The following STK32B variants were observed in gnomAD, a reference collection of about 807,000 sequenced individuals.
STK32B encodes serine/threonine-protein kinase 32B.
A neutral mutation model predicts 52.6 loss-of-function variants in STK32B; 43 were observed. The ratio of observed to expected loss-of-function variants is 0.82; its 90% CI spans 0.64 to 1.05. The LOEUF (loss-of-function observed/expected upper bound fraction) is 1.05, where lower values mean the gene tolerates loss of function less well. Ranked by LOEUF, STK32B falls within the 50% of genes least tolerant of loss-of-function variation. STK32B has a pLI of 0.00. For missense variants in STK32B, 621 were observed against 534.6 expected (o/e 1.16, Z -1.59); for synonymous variants, 238 against 204.3 (o/e 1.17, Z -1.41).
At chr4:5,180,605 T>G (rs1720278872) in intron 3 of STK32B, among the ~76,000 whole-genome samples, 1 of 152,098 alleles carries the variant, frequency 6.6e-6, no homozygotes. Flanking sequence ...GTGGCCTCTC[T>G]CTCCCCAACC....
intron 3 of STK32B, among the ~76,000 whole-genome samples, chr4:5,293,383 TTAAC>T (rs1178149205): frequency 6.6e-6 from 1 of 152,152 alleles, no homozygotes; most frequent in African/African-American, 2.4e-5. Flanking sequence ...CCACAATGGT[TTAAC>T]TAATTTTCAC....
chr4:5,402,675 C>G (rs998433655), intron 5 of STK32B, among the ~76,000 whole-genome samples: 5 of 152,224 alleles, frequency 3.3e-5, no homozygotes, highest in African/African-American at 9.6e-5. Context: ...ATTCCTCTTA[C>G]AGGACAGAGT....
rs3077842 is a variant in STK32B, at chr4:5,163,538, C to CTGTGTGTGTGTGTG, written c.109-4731_109-4718dup. Among the ~76,000 whole-genome samples the CTGTGTGTGTGTGTG allele has an allele frequency of 2.4e-3, 341 of 139,430 alleles. 5 individuals are homozygous for CTGTGTGTGTGTGTG. Among genetic ancestry groups the CTGTGTGTGTGTGTG allele is most frequent in the Non-Finnish European group, 4.1e-3 (262 of 63,636 alleles). 91.5% of individuals were successfully genotyped at this position (139,430 alleles called of 152,430 possible). A position where few individuals can be genotyped will look rare whatever the true frequency, so the allele number is the denominator to read the frequency against. On this transcript the variant is annotated intron_variant, in intron 2 of 11. Coordinates refer to ENST00000282908, the MANE Select transcript of STK32B (RefSeq NM_018401.3). Reference sequence around the variant, plus strand: ...TAAAGAGTTTGAGATAGAGTGAAGGCTGTGTGTGTGTGTGTGTGTGTGTGT... The same window carrying CTGTGTGTGTGTGTG: ...TAAAGAGTTTGAGATAGAGTGAAGGCTGTGTGTGTGTGTGTGTGTGTGTGTGTGTGTGTGTGTGT...
chr4:5,159,578 T>TATATATGAATATATATGAATATATATGA lies in STK32B; in HGVS notation c.109-8715_109-8714insGAATATATATGAATATATATGAATATAT, dbSNP rs1553840363. Among the ~76,000 whole-genome samples, 4 of 22,282 alleles carry TATATATGAATATATATGAATATATATGA rather than the reference T, an allele frequency of 1.8e-4. 2 individuals are homozygous for TATATATGAATATATATGAATATATATGA. Among genetic ancestry groups the TATATATGAATATATATGAATATATATGA allele is most frequent in the African/African-American group, 1.7e-3 (4 of 2,286 alleles). The allele number at this position is 22,282 out of a possible 152,430, so 14.6% of individuals were successfully genotyped here. A position where few individuals can be genotyped will look rare whatever the true frequency, so the allele number is the denominator to read the frequency against. ...ATATATATGAATGAATATATATGAA[T>TATATATGAATATATATGAATATATATGA]ATATATATGAATATATATGAATATA... is the stretch of plus-strand genomic sequence containing the variant. On this transcript the variant is annotated intron_variant, in intron 2 of 11. Transcript: ENST00000282908.
intron 3 of STK32B, among the ~76,000 whole-genome samples, chr4:5,255,497 T>C (rs988449373): frequency 2.6e-5 from 4 of 152,122 alleles, no homozygotes; most frequent in African/African-American, 9.7e-5. Flanking sequence ...ACACATTTCT[T>C]ACATACATAT....
intron 7 of STK32B, among the ~76,000 whole-genome samples, chr4:5,451,282 C>T (rs1715970651): frequency 6.6e-6 from 1 of 152,076 alleles, no homozygotes; most frequent in African/African-American, 2.4e-5. Flanking sequence ...ATATGAATGG[C>T]TGGAAGGAAT....
At chr4:5,359,248 T>A (rs1300858390) in intron 4 of STK32B, among the ~76,000 whole-genome samples, 10 of 152,144 alleles carry the variant, frequency 6.6e-5, no homozygotes, top group Admixed American at 2.6e-4. Flanking sequence ...AACTTGCTGT[T>A]CTATTCCTCA....
upstream of STK32B, among the ~76,000 whole-genome samples, chr4:5,048,981 A>C (rs193213728): frequency 5.3e-5 from 8 of 152,344 alleles, no homozygotes; most frequent in African/African-American, 1.7e-4. Flanking sequence ...AGAGCTGGAC[A>C]TGCAGAGTTC....
intron 4 of STK32B, among the ~76,000 whole-genome samples, chr4:5,359,445 G>A (rs1330141521): frequency 2.1e-5 from 3 of 140,356 alleles, no homozygotes; most frequent in Non-Finnish European, 3.1e-5. Context: ...GATGTACCAA[G>A]CACCTACATC....
intron 6 of STK32B, among the ~76,000 whole-genome samples, chr4:5,423,915 G>A (rs1256061918): frequency 6.6e-6 from 1 of 152,154 alleles, no homozygotes; most frequent in Admixed American, 6.5e-5. Context: ...GTGAGTTGGA[G>A]AGGCGGGATT....
chr4:5,321,006 A>G (rs1731450511), intron 3 of STK32B, among the ~76,000 whole-genome samples: 2 of 152,192 alleles, frequency 1.3e-5, no homozygotes, highest in African/African-American at 4.8e-5. Flanking sequence ...TAGACTCAGA[A>G]GAGTATGCAC....
upstream of STK32B, among the ~76,000 whole-genome samples, chr4:5,047,068 G>A (rs1349530278): frequency 1.3e-5 from 2 of 152,176 alleles, no homozygotes; most frequent in African/African-American, 2.4e-5. Context: ...GTTTACAATA[G>A]CAAAATTGTG....
chr4:5,092,534 CAA>C (rs527339612), intron 1 of STK32B, among the ~76,000 whole-genome samples: 39 of 86,838 alleles, frequency 4.5e-4, no homozygotes, highest in Admixed American at 4.9e-4. Context: ...GACTCCGTCT[CAA>C]AAAAAAAAAA....
In STK32B at chr4:5,469,879, C is replaced by A. The variant is rs145881657; in HGVS notation, c.1106+1809C>A. Among the ~76,000 whole-genome samples the A allele has an allele frequency of 2.0e-5, 3 of 152,188 alleles. No homozygotes were observed. The highest frequency in any genetic ancestry group is 4.4e-5 in the Non-Finnish European group (3 of 68,034). On this transcript the variant is annotated intron_variant, in intron 11 of 11. Coordinates refer to ENST00000282908, the MANE Select transcript of STK32B (RefSeq NM_018401.3). The surrounding 1 kb of genome is among the most constrained non-coding windows in gnomAD (Gnocchi z 4.7). ...CTGTGGTCCTGCCTGCTCTGAGGCT[C>A]ATGGCCCTTCCCCCAGACTTAGAAA...
At chr4:5,171,024 T>C (rs1374539718) in intron 3 of STK32B, among the ~76,000 whole-genome samples, 1 of 152,252 alleles carries the variant, frequency 6.6e-6, no homozygotes, top group African/African-American at 2.4e-5. Flanking sequence ...TGGTATCTCA[T>C]TGTGGTTTTG....
chr4:5,068,621 C>A (rs1167340248), intron 1 of STK32B, among the ~76,000 whole-genome samples: 1 of 152,096 alleles, frequency 6.6e-6, no homozygotes, highest in Non-Finnish European at 1.5e-5. Context: ...TCCTAAGACT[C>A]AATAATTTGC....
chr4:5,269,203 C>T (rs919174241), intron 3 of STK32B, among the ~76,000 whole-genome samples: 1 of 152,084 alleles, frequency 6.6e-6, no homozygotes, highest in African/African-American at 2.4e-5. Context: ...GTGCGAGGAC[C>T]ATCCAAAAGG....
At chr4:5,296,361 G>A (rs929990519) in intron 3 of STK32B, among the ~76,000 whole-genome samples, 4 of 152,118 alleles carry the variant, frequency 2.6e-5, no homozygotes, top group Admixed American at 2.6e-4. Context: ...GGAAAGTGAG[G>A]TGTTAAAGTC....
At chr4:5,027,292 G>A in the STK32B span, among the ~76,000 whole-genome samples, 12 of 152,300 alleles carry the variant, frequency 7.9e-5, no homozygotes, top group African/African-American at 1.7e-4. Context: ...TATGAAAAGC[G>A]ATTCATGTTT....
Sources: gnomAD v4.1 joint callset for allele counts (sites outside exome capture counted in the v4.1 genomes callset) on GRCh38, gnomAD v4.1.1 for gene constraint, Gnocchi (gnomAD v3.1) non-coding constraint, MANE v1.5 for transcripts, NCBI Gene and HGNC (gene_info 2026-07-23, HGNC 2026-07-21) for gene names.